OR9Q2: variants seen among roughly 807,000 people sequenced by gnomAD.
OR9Q2 encodes the protein olfactory receptor family 9 subfamily Q member 2.
A neutral mutation model predicts 2.3 loss-of-function variants in OR9Q2; 2 were observed. That is an observed-to-expected ratio of 0.85 (90% confidence interval 0.35 to 2.68). The LOEUF (loss-of-function observed/expected upper bound fraction) is 2.68. OR9Q2 is among the 30% of genes most tolerant of loss of function. OR9Q2 has a pLI of 0.10. For synonymous variants in OR9Q2, 178 were observed against 158.6 expected, an observed-to-expected ratio of 1.12 and a Z score of -0.92; for missense variants, 404 against 395.7, an observed-to-expected ratio of 1.02 and a Z score of -0.18.
In OR9Q2 at chr11:58,190,839, A is replaced by T. The variant is rs532321588; in HGVS notation, c.349A>T (p.Ile117Phe). The change falls in exon 2 of 2, where the codon ATC (isoleucine) becomes TTC (phenylalanine). Residue 117 changes from isoleucine to phenylalanine, a missense_variant. By Grantham distance (21) the Ile-to-Phe change is conservative (BLOSUM62 0). Coordinates refer to ENST00000641291, the MANE Select transcript of OR9Q2 (RefSeq NM_001005283.3). ...CTCCATCGACTGCTACCTTCTGGCC[A>T]TCATGGCCTATGACCGCTACACGGC... is the stretch of plus-strand genomic sequence containing the variant. ...FASIDCYLLAIMAYDRYTAVC... is the reference protein window; with the variant it reads ...FASIDCYLLAFMAYDRYTAVC... 3 of 1,614,132 alleles carry T rather than the reference A, an allele frequency of 1.9e-6. No individual in the cohort carries two copies. In the African/African-American group the frequency reaches 4.0e-5, roughly 22 times the overall value.
In OR9Q2 at chr11:58,193,526, A is replaced by G. The variant is rs1328625762; in HGVS notation, c.*2091A>G. 6.6e-6 allele frequency: 1 copy of G among 152,222 alleles called. No homozygotes were observed. Among genetic ancestry groups the G allele is most frequent in the Non-Finnish European group, 1.5e-5 (1 of 68,040 alleles). 9.4% of individuals were successfully genotyped at this position (152,222 alleles called of 1,614,324 possible). A position where few individuals can be genotyped will look rare whatever the true frequency, so the allele number is the denominator to read the frequency against. On this transcript the variant is annotated 3_prime_UTR_variant, in exon 2 of 2. Coordinates refer to ENST00000641291, the MANE Select transcript of OR9Q2 (RefSeq NM_001005283.3). ...ATTATGTGACTTGACCAAGTTATGTAGCAAGAAAGTGGCAGATGAGGGAGG... is the reference window on the plus strand; with the variant it reads ...ATTATGTGACTTGACCAAGTTATGTGGCAAGAAAGTGGCAGATGAGGGAGG...
Position 58,191,542 on chromosome 11 carries a change from ACCTG to A in OR9Q2, c.*108_*111del. On this transcript the variant is annotated 3_prime_UTR_variant, in exon 2 of 2. Coordinates refer to ENST00000641291, the MANE Select transcript of OR9Q2 (RefSeq NM_001005283.3). ...CCTAAATAACCCTATGCAAAATCGC[ACCTG>A]AACTTCCCACCTCCACTTTCTGATT... The A allele has an allele frequency of 2.9e-6, 2 of 691,358 alleles. No homozygotes were observed. The highest frequency in any genetic ancestry group is 2.4e-6 in the Non-Finnish European group (1 of 416,532). 42.8% of individuals were successfully genotyped at this position (691,358 alleles called of 1,614,324 possible).
In OR9Q2 at chr11:58,192,851, T is replaced by C. The variant is rs903150923; in HGVS notation, c.*1416T>C. 8.5e-5 allele frequency: 13 copies of C among 152,172 alleles called. No individual in the cohort carries two copies. Among genetic ancestry groups the C allele is most frequent in the African/African-American group, 3.1e-4 (13 of 41,440 alleles). The allele number at this position is 152,172 out of a possible 1,614,324, so 9.4% of individuals were successfully genotyped here. A position where few individuals can be genotyped will look rare whatever the true frequency, so the allele number is the denominator to read the frequency against. Reference sequence around the variant, plus strand: ...CTCTTGATGTTCATTTTCCAAATATTAACTGTCATGCAAATATTTTCAGAG... The same window carrying C: ...CTCTTGATGTTCATTTTCCAAATATCAACTGTCATGCAAATATTTTCAGAG... On this transcript the variant is annotated 3_prime_UTR_variant, in exon 2 of 2. Transcript: ENST00000641291.
rs930198107 is a variant in OR9Q2 at position 58,192,553 on chromosome 11, G to A, written c.*1118G>A. On this transcript the variant is annotated 3_prime_UTR_variant, in exon 2 of 2. Transcript: ENST00000641291. ...TCATTTTATAGCCCCTATGTTCTAG[G>A]ATTGTATAATGTGACTTTGTGTATA... 3 of 152,042 alleles carry A rather than the reference G, an allele frequency of 2.0e-5. No individual in the cohort carries two copies. Among genetic ancestry groups the A allele is most frequent in the African/African-American group, 7.2e-5 (3 of 41,392 alleles). The allele number at this position is 152,042 out of a possible 1,614,324, so 9.4% of individuals were successfully genotyped here.
chr11:58,190,887 G>A lies in OR9Q2; in HGVS notation c.397G>A (p.Val133Ile), dbSNP rs1854754602. The change falls in exon 2 of 2, where the codon GTC (valine) becomes ATC (isoleucine). Residue 133 changes from valine to isoleucine, a missense_variant. Val to Ile is a conservative substitution (Grantham distance 29). Transcript: ENST00000641291. The stretch of plus-strand genomic sequence containing the variant: ...GGCCGTGTGCCAGCCCCTGCTTTAT[G>A]TCACCATCATAACCGAGAAGGCCCG... ...YTAVCQPLLY[V>I]TIITEKARWG... The A allele has an allele frequency of 2.5e-6, 4 of 1,614,222 alleles. No homozygotes were observed. The highest frequency in any genetic ancestry group is 3.4e-6 in the Non-Finnish European group (4 of 1,180,036).
At position 58,190,449 on chromosome 11, in the gene OR9Q2, T is replaced by G; in HGVS notation, c.-42T>G. ...GAACTCCTCTTGAGCTGTCCCCTCA[T>G]CTGGCTCTTGTCTTAGCCGTTGCAG... On this transcript the variant is annotated 5_prime_UTR_variant, in exon 2 of 2. Coordinates refer to ENST00000641291, the MANE Select transcript of OR9Q2 (RefSeq NM_001005283.3). 1 of 1,392,942 alleles carries G rather than the reference T, an allele frequency of 7.2e-7. No homozygotes were observed. The highest frequency in any genetic ancestry group is 1.0e-6 in the Non-Finnish European group (1 of 988,456). 86.3% of individuals were successfully genotyped at this position (1,392,942 alleles called of 1,614,324 possible).
Position 58,190,956 on chromosome 11 carries a change from GC to G in OR9Q2, c.468del (p.Phe157LeufsTer29). ...TGAYVAGFFS[A>X]FVRTVTAFTL... ...GGCTTACGTTGCTGGTTTTTTCAGTGCCTTTGTTCGAACGGTCACAGCCTTC... is the reference window on the plus strand; with the variant it reads ...GGCTTACGTTGCTGGTTTTTTCAGTGCTTTGTTCGAACGGTCACAGCCTTC... On this transcript the variant is annotated frameshift_variant, in exon 2 of 2. Transcript: ENST00000641291. LOFTEE classifies it high-confidence loss of function. The G allele has an allele frequency of 1.9e-6, 3 of 1,614,198 alleles. No individual in the cohort carries two copies. The highest frequency in any genetic ancestry group is 2.5e-6 in the Non-Finnish European group (3 of 1,180,040).
Position 58,190,978 on chromosome 11 carries a change from C to G in OR9Q2, c.488C>G (p.Ala163Gly), listed in dbSNP as rs766457274. 6.2e-7 allele frequency: 1 copy of G among 1,614,182 alleles called. No individual in the cohort carries two copies. The highest frequency in any genetic ancestry group is 8.5e-7 in the Non-Finnish European group (1 of 1,180,022). The change falls in exon 2 of 2, where the codon GCC becomes GGC. Residue 163 changes from alanine (A) to glycine (G), a missense_variant. Ala to Gly is a moderately conservative substitution (Grantham distance 60, BLOSUM62 0). Coordinates refer to ENST00000641291, the MANE Select transcript of OR9Q2 (RefSeq NM_001005283.3). ...FFSAFVRTVT[A>G]FTLSFCGNNE... ...AGTGCCTTTGTTCGAACGGTCACAG[C>G]CTTCACTCTCTCCTTTTGTGGAAAC...
In OR9Q2 at chr11:58,190,928, T is replaced by C; in HGVS notation, c.438T>C (p.Thr146=). 6.2e-7 allele frequency: 1 copy of C among 1,614,222 alleles called. No homozygotes were observed. The highest frequency in any genetic ancestry group is 8.5e-7 in the Non-Finnish European group (1 of 1,180,038). ...ITEKARWGLV[T]GAYVAGFFSA... ...AGAAGGCCCGCTGGGGCCTAGTCAC[T>C]GGGGCTTACGTTGCTGGTTTTTTCA... is the stretch of plus-strand genomic sequence containing the variant. The change falls in exon 2 of 2, where the codon ACT becomes ACC. Residue 146 remains threonine (T), a synonymous_variant. Coordinates refer to ENST00000641291, the MANE Select transcript of OR9Q2 (RefSeq NM_001005283.3).
In OR9Q2 at chr11:58,190,933, C is replaced by A; in HGVS notation, c.443C>A (p.Ala148Asp). 6.2e-7 allele frequency: 1 copy of A among 1,614,202 alleles called. No individual in the cohort carries two copies. The highest frequency in any genetic ancestry group is 8.5e-7 in the Non-Finnish European group (1 of 1,180,030). ...GCCCGCTGGGGCCTAGTCACTGGGGCTTACGTTGCTGGTTTTTTCAGTGCC... is the reference window on the plus strand; with the variant it reads ...GCCCGCTGGGGCCTAGTCACTGGGGATTACGTTGCTGGTTTTTTCAGTGCC... ...EKARWGLVTG[A>D]YVAGFFSAFV... Residue 148 changes from alanine to aspartate, a missense_variant, in exon 2 of 2, where the codon GCT becomes GAT. Coordinates refer to ENST00000641291, the MANE Select transcript of OR9Q2 (RefSeq NM_001005283.3).
Position 58,191,194 on chromosome 11 carries a change from C to T in OR9Q2, c.704C>T (p.Ala235Val). The T allele has an allele frequency of 1.2e-6, 2 of 1,614,148 alleles. No homozygotes were observed. Among genetic ancestry groups the T allele is most frequent in the African/African-American group, 1.3e-5 (1 of 75,028 alleles). ...ILQIHSAGGR[A>V]KTFSTCASHL... ...CAGATCCACTCTGCTGGAGGCCGGGCCAAGACCTTCTCCACCTGCGCCTCC... is the reference window on the plus strand; with the variant it reads ...CAGATCCACTCTGCTGGAGGCCGGGTCAAGACCTTCTCCACCTGCGCCTCC... The change falls in exon 2 of 2, where the codon GCC becomes GTC. Residue 235 changes from alanine (A) to valine (V), a missense_variant. Transcript: ENST00000641291.
rs540885672 is a variant in OR9Q2, at chr11:58,189,377, T to C, written c.-173+269T>C. Among the ~76,000 whole-genome samples, 8 of 152,222 alleles carry C rather than the reference T, an allele frequency of 5.3e-5. No homozygotes were observed. The East Asian group carries it at 1.5e-3, about 29-fold the overall frequency. On this transcript the variant is annotated intron_variant, in intron 1 of 1. Transcript: ENST00000641291. ...TGGGTGAACTAGAAGCCAGGTGTCC[T>C]TTGGCTTGGCAGGTGATGGGCAGAC...
rs1357873906 is a variant in OR9Q2 at position 58,190,317 on chromosome 11, A to T, written c.-172-2A>T. Reference sequence around the variant, plus strand: ...TTCATCACTTTTTATCTTATATTACAGTGAGCTCAATATCTGTCTATATCT... The same window carrying T: ...TTCATCACTTTTTATCTTATATTACTGTGAGCTCAATATCTGTCTATATCT... On this transcript the variant is annotated splice_acceptor_variant, in intron 1 of 1. Coordinates refer to ENST00000641291, the MANE Select transcript of OR9Q2 (RefSeq NM_001005283.3). LOFTEE classifies it low-confidence loss of function (5UTR_SPLICE). 2 of 585,016 alleles carry T rather than the reference A, an allele frequency of 3.4e-6. No homozygotes were observed. Among genetic ancestry groups the T allele is most frequent in the African/African-American group, 3.7e-5 (2 of 53,722 alleles). The allele number at this position is 585,016 out of a possible 1,614,324, so 36.2% of individuals were successfully genotyped here.
Position 58,192,158 on chromosome 11 carries a change from C to T in OR9Q2, c.*723C>T, listed in dbSNP as rs935721065. Reference sequence around the variant, plus strand: ...ATAATAATAATAATAGCAAGTTACACTTATTAGGCATTATTATCTTCCAGG... The same window carrying T: ...ATAATAATAATAATAGCAAGTTACATTTATTAGGCATTATTATCTTCCAGG... On this transcript the variant is annotated 3_prime_UTR_variant, in exon 2 of 2. Transcript: ENST00000641291. 3.3e-4 allele frequency: 40 copies of T among 120,260 alleles called. No homozygotes were observed. Among genetic ancestry groups the T allele is most frequent in the Admixed American group, 4.1e-4 (5 of 12,206 alleles). 7.4% of individuals were successfully genotyped at this position (120,260 alleles called of 1,614,324 possible).
rs1158522939 is a variant in OR9Q2 at position 58,192,506 on chromosome 11, T to A, written c.*1071T>A. 1 of 152,156 alleles carries A rather than the reference T, an allele frequency of 6.6e-6. No individual in the cohort carries two copies. The highest frequency in any genetic ancestry group is 1.9e-4 in the East Asian group (1 of 5,194). 9.4% of individuals were successfully genotyped at this position (152,156 alleles called of 1,614,324 possible). On this transcript the variant is annotated 3_prime_UTR_variant, in exon 2 of 2. Transcript: ENST00000641291. ...AAAAGGTAAAAGTCCAATCTGTTGGTGTAGATGGCAGTCAACAAAATTCAT... is the reference window on the plus strand; with the variant it reads ...AAAAGGTAAAAGTCCAATCTGTTGGAGTAGATGGCAGTCAACAAAATTCAT...
Position 58,190,587 on chromosome 11 carries a change from A to G in OR9Q2, c.97A>G (p.Ser33Gly), listed in dbSNP as rs1381058073. The G allele has an allele frequency of 6.2e-7, 1 of 1,613,872 alleles. No individual in the cohort carries two copies. The highest frequency in any genetic ancestry group is 1.1e-5 in the South Asian group (1 of 91,074). The stretch of plus-strand genomic sequence containing the variant: ...GGTTCCTCTCTTCCTCATATTTTTG[A>G]GTTTCTATCTTGCCACTATGTTAGG... The part of the protein sequence containing the change: ...WRVPLFLIFL[S>G]FYLATMLGNT... The change falls in exon 2 of 2, where the codon AGT (serine) becomes GGT (glycine). Residue 33 changes from serine to glycine, a missense_variant. Ser to Gly is a moderately conservative substitution (Grantham distance 56). Coordinates refer to ENST00000641291, the MANE Select transcript of OR9Q2 (RefSeq NM_001005283.3).
At position 58,190,660 on chromosome 11, in the gene OR9Q2, C is replaced by A; in HGVS notation, c.170C>A (p.Thr57Asn). 1.2e-6 allele frequency: 2 copies of A among 1,614,168 alleles called. No homozygotes were observed. The highest frequency in any genetic ancestry group is 1.7e-6 in the Non-Finnish European group (2 of 1,180,018). Residue 57 changes from threonine (T) to asparagine (N), a missense_variant, in exon 2 of 2, where the codon ACC becomes AAC. Coordinates refer to ENST00000641291, the MANE Select transcript of OR9Q2 (RefSeq NM_001005283.3). Reference protein sequence around the residue: ...LLIRGDRRLHTPMYFFLSHLS... With the variant: ...LLIRGDRRLHNPMYFFLSHLS... ...ATCCGTGGCGATCGTCGGCTCCACA[C>A]CCCGATGTACTTCTTCCTCAGCCAC...
At position 58,190,691 on chromosome 11, in the gene OR9Q2, C is replaced by G. The variant is rs1854751333; in HGVS notation, c.201C>G (p.Ser67=). The G allele has an allele frequency of 1.2e-6, 2 of 1,614,206 alleles. No homozygotes were observed. The highest frequency in any genetic ancestry group is 1.7e-6 in the Non-Finnish European group (2 of 1,180,036). ...TPMYFFLSHL[S]LVDICYSSAI... is the part of the protein sequence containing the mutation. Reference sequence around the variant, plus strand: ...TGTACTTCTTCCTCAGCCACCTTTCCTTGGTGGACATCTGCTACTCGTCCG... The same window carrying G: ...TGTACTTCTTCCTCAGCCACCTTTCGTTGGTGGACATCTGCTACTCGTCCG... Residue 67 remains serine, a synonymous_variant, in exon 2 of 2, where the codon TCC becomes TCG. Coordinates refer to ENST00000641291, the MANE Select transcript of OR9Q2 (RefSeq NM_001005283.3).
chr11:58,189,690 TTGGA>T (rs1190681209), intron 1 of OR9Q2, among the ~76,000 whole-genome samples: 2 of 152,182 alleles, frequency 1.3e-5, no homozygotes, highest in African/African-American at 4.8e-5. Context: ...GCTTTCAAAT[TTGGA>T]TGCTGTTTAT....
Sources: allele counts gnomAD v4.1 joint callset (sites outside exome capture counted in the v4.1 genomes callset), GRCh38; gene constraint gnomAD v4.1.1; transcripts MANE v1.5; gene names NCBI Gene and HGNC (gene_info 2026-07-23, HGNC 2026-07-21).